The following RAD52 variants were observed in gnomAD, a reference collection of about 807,000 sequenced individuals.
The protein encoded by RAD52 is RAD52 DNA repair protein.
In RAD52, 47 loss-of-function variants were observed where a neutral mutation model predicts 55.5. The ratio of observed to expected loss-of-function variants is 0.85; its 90% CI spans 0.67 to 1.08. RAD52 has a LOEUF of 1.08. RAD52 is among the 50% of genes least tolerant of loss of function. The pLI is 0.00. For synonymous variants in RAD52, 184 were observed against 198.9 expected (o/e 0.92, Z 0.63); for missense variants, 468 against 522.8 (o/e 0.90, Z 1.02).
rs571885086 is a variant in RAD52 at position 925,080 on chromosome 12, A to G, written c.543+370T>C. Among the ~76,000 whole-genome samples the G allele has an allele frequency of 1.1e-4, 16 of 151,264 alleles. No individual in the cohort carries two copies. The East Asian group carries it at 2.2e-3, about 20-fold the overall frequency. The stretch of plus-strand genomic sequence containing the variant: ...ATTCTCCTGCCTCAGCCTCCCGAGT[A>G]GCTGGGACTACAGGCGCCCACCACC... On this transcript the variant is annotated intron_variant, in intron 7 of 11. Transcript: ENST00000358495.
At chr12:973,779 CTTCTTTTTTTTTT>C (rs1351203663) in intron 1 of RAD52, among the ~76,000 whole-genome samples, 3 of 136,848 alleles carry the variant, frequency 2.2e-5, no homozygotes, top group African/African-American at 9.1e-5. Context: ...ACGCCCAGTC[CTTCTTTTTTTTTT>C]TTTTTTTTTT....
chr12:952,509 C>T (rs1189158334), upstream of RAD52, among the ~76,000 whole-genome samples: 1 of 152,034 alleles, frequency 6.6e-6, no homozygotes, highest in East Asian at 1.9e-4. Context: ...TGAATGTGAC[C>T]TTAATTAGAG....
At chr12:921,132 A>G (rs1326665383) in intron 7 of RAD52, among the ~76,000 whole-genome samples, 3 of 152,210 alleles carry the variant, frequency 2.0e-5, no homozygotes, top group African/African-American at 7.2e-5. Context: ...GTGCAGGGAA[A>G]GAAGTCGTAA....
At chr12:959,342 G>A (rs892830422) in intron 1 of RAD52, among the ~76,000 whole-genome samples, 11 of 152,156 alleles carry the variant, frequency 7.2e-5, no homozygotes, top group Admixed American at 4.6e-4. Flanking sequence ...TTCACTTAAT[G>A]CATATTTATT....
rs546350644 is a variant in RAD52, at chr12:988,067, G to A, written c.-19+1742C>T. Among the ~76,000 whole-genome samples the A allele has an allele frequency of 1.6e-4, 25 of 152,270 alleles. 1 individual carries two copies. Among genetic ancestry groups the A allele is most frequent in the African/African-American group, 6.0e-4 (25 of 41,558 alleles). On this transcript the variant is annotated intron_variant, in intron 1 of 11. Transcript: ENST00000430095. ...GGCTCACTGCTCCGTTGACCTCCCA[G>A]GATGAGGTAATACTTACACCTCAGC...
intron 7 of RAD52, among the ~76,000 whole-genome samples, chr12:921,560 C>T (rs969680019): frequency 7.3e-5 from 11 of 151,346 alleles, no homozygotes; most frequent in Non-Finnish European, 1.3e-4. Context: ...TGCAGTGAGC[C>T]GAGATCACAC....
chr12:967,635 G>C (rs1056542404), intron 1 of RAD52, among the ~76,000 whole-genome samples: 1 of 151,846 alleles, frequency 6.6e-6, no homozygotes, highest in African/African-American at 2.4e-5. Context: ...GTGTGACAGG[G>C]TCTCTGTCAC....
upstream of RAD52, among the ~76,000 whole-genome samples, chr12:953,166 A>G (rs7297159): frequency 7.3e-5 from 11 of 150,804 alleles, no homozygotes; most frequent in East Asian, 2.0e-4. Context: ...TTAGCTGGGG[A>G]TGGTGGCACA....
chr12:937,759 A>G (rs1477565752), intron 1 of RAD52, among the ~76,000 whole-genome samples: 2 of 152,018 alleles, frequency 1.3e-5, no homozygotes, highest in Non-Finnish European at 2.9e-5. Flanking sequence ...AGTGCACCCT[A>G]TTCTGACTTC....
intron 1 of RAD52, among the ~76,000 whole-genome samples, chr12:941,352 CTT>C (rs927737421): frequency 5.3e-5 from 8 of 152,048 alleles, no homozygotes; most frequent in African/African-American, 1.9e-4. Context: ...GAGTTTCACT[CTT>C]GTTGCCCAGG....
chr12:956,345 G>A (rs1393156495), intron 1 of RAD52, among the ~76,000 whole-genome samples: 1 of 152,154 alleles, frequency 6.6e-6, no homozygotes, highest in African/African-American at 2.4e-5. Context: ...GTTCTATGCT[G>A]CTATAAGTTA....
chr12:931,377 G>A, intron 2 of RAD52, 56 bp from the exon 3 acceptor site: 1 of 1,316,906 alleles, frequency 7.6e-7, no homozygotes, highest in Non-Finnish European at 1.1e-6. Context: ...TCACATCATT[G>A]AGTCTCCATC....
At chr12:970,743 A>G (rs543776882) in intron 1 of RAD52, among the ~76,000 whole-genome samples, 2 of 152,304 alleles carry the variant, frequency 1.3e-5, no homozygotes, top group South Asian at 2.1e-4. Flanking sequence ...TAGGCGGTCC[A>G]TGAGACAAGG....
chr12:946,433 C>G (rs1344512104), intron 1 of RAD52, among the ~76,000 whole-genome samples: 1 of 152,152 alleles, frequency 6.6e-6, no homozygotes, highest in Non-Finnish European at 1.5e-5. Flanking sequence ...CAGGGTTACT[C>G]AACAGGCCAA....
intron 7 of RAD52, among the ~76,000 whole-genome samples, chr12:924,588 C>T (rs1372746325): frequency 2.0e-5 from 3 of 152,044 alleles, no homozygotes; most frequent in Non-Finnish European, 2.9e-5. Flanking sequence ...GCAGGGACCT[C>T]GGAGAGCAGA....
chr12:950,004 G>T (rs1209798729), upstream of RAD52, among the ~76,000 whole-genome samples: 1 of 152,194 alleles, frequency 6.6e-6, no homozygotes, highest in Non-Finnish European at 1.5e-5. Flanking sequence ...GGCCTTCAGC[G>T]GCTAGTTAGG....
At chr12:938,507 A>G (rs1283511420) in intron 1 of RAD52, among the ~76,000 whole-genome samples, 1 of 152,154 alleles carries the variant, frequency 6.6e-6, no homozygotes, top group African/African-American at 2.4e-5. Flanking sequence ...ACATGGTACA[A>G]TTCCCGTCTC....
At position 912,730 on chromosome 12, in the gene RAD52, A is replaced by AAAAAG. The variant is rs1956157752; in HGVS notation, c.*660_*661insCTTTT. The AAAAAG allele has an allele frequency of 6.8e-6, 1 of 147,784 alleles. No individual in the cohort carries two copies. The highest frequency in any genetic ancestry group is 1.5e-5 in the Non-Finnish European group (1 of 68,302). 9.2% of individuals were successfully genotyped at this position (147,784 alleles called of 1,614,324 possible). On this transcript the variant is annotated 3_prime_UTR_variant, in exon 12 of 12. Transcript: ENST00000358495. Reference sequence around the variant, plus strand: ...ACAGCCAGACCCCGTCTCAAAAAAAAAAAAAAAAAAAAAAACAAAAAACAG... The same window carrying AAAAAG: ...ACAGCCAGACCCCGTCTCAAAAAAAAAAAAGAAAAAAAAAAAAAAACAAAAAACAG...
intron 3 of RAD52, 120 bp downstream of exon 3, chr12:931,100 G>T: frequency 2.8e-6 from 2 of 716,138 alleles, no homozygotes; most frequent in Non-Finnish European, 4.5e-6. Context: ...GGCACTGGGA[G>T]ACCTCCAGGA....
Sources: gnomAD v4.1 joint callset for allele counts (sites outside exome capture counted in the v4.1 genomes callset) on GRCh38, gnomAD v4.1.1 for gene constraint, MANE v1.5 for transcripts, NCBI Gene and HGNC (gene_info 2026-07-23, HGNC 2026-07-21) for gene names.